ALPK2: variants seen among roughly 807,000 people sequenced by gnomAD.
ALPK2 encodes alpha kinase 2.
ALPK2 carries 127 observed loss-of-function variants against 163.1 expected under a neutral mutation model. That is an observed-to-expected ratio of 0.78 (90% CI 0.67 to 0.90). The LOEUF (loss-of-function observed/expected upper bound fraction) is 0.90. ALPK2 is among the 40% of genes least tolerant of loss of function. The pLI is 0.00. For missense variants in ALPK2, 2,360 were observed against 2,589.6 expected (o/e 0.91, Z 1.92); for synonymous variants, 953 against 959.1 (o/e 0.99, Z 0.12).
At position 58,578,995 on chromosome 18, in the gene ALPK2, C is replaced by G. The variant is rs776574894; in HGVS notation, c.1781G>C (p.Ser594Thr). ...SHTTAAATGR[S>T]SHADARECAI... ...ACATTCTCTTGCATCAGCATGGGAA[C>G]TCCGACCAGTCGCTGCTGCTGTGGT... The change falls in exon 4 of 13, where the codon AGT (serine) becomes ACT (threonine). Residue 594 changes from serine to threonine, a missense_variant. Coordinates refer to ENST00000361673, the MANE Select transcript of ALPK2 (RefSeq NM_052947.4). The G allele has an allele frequency of 4.3e-6, 7 of 1,614,242 alleles. No individual in the cohort carries two copies. Among genetic ancestry groups the G allele is most frequent in the Non-Finnish European group, 5.9e-6 (7 of 1,180,038 alleles).
At chr18:58,597,780 A>T (rs867612130) in intron 3 of ALPK2, among the ~76,000 whole-genome samples, 2 of 152,168 alleles carry the variant, frequency 1.3e-5, no homozygotes, top group South Asian at 4.1e-4. Flanking sequence ...CTAACCCACA[A>T]TGTGATGGTA....
In ALPK2 at chr18:58,508,964, A is replaced by G. The variant is rs367643195; in HGVS notation, c.6030-4816T>C. Among the ~76,000 whole-genome samples the G allele has an allele frequency of 5.3e-5, 8 of 151,288 alleles. No homozygotes were observed. The East Asian group carries it at 9.7e-4, about 18-fold the overall frequency. On this transcript the variant is annotated intron_variant, in intron 10 of 12. Coordinates refer to ENST00000361673, the MANE Select transcript of ALPK2 (RefSeq NM_052947.4). Reference sequence around the variant, plus strand: ...TTTGTTACATATGTATACATGTGCCATGTTGGTGTGCTGCACCCATTAACT... The same window carrying G: ...TTTGTTACATATGTATACATGTGCCGTGTTGGTGTGCTGCACCCATTAACT...
chr18:58,597,841 G>T (rs570123293), intron 3 of ALPK2, among the ~76,000 whole-genome samples: 1 of 152,182 alleles, frequency 6.6e-6, no homozygotes, highest in Non-Finnish European at 1.5e-5. Context: ...AGGTCACAAG[G>T]GTGGGGCCCT....
chr18:58,627,658 A>C (rs2052239200), intron 1 of ALPK2, among the ~76,000 whole-genome samples: 1 of 152,144 alleles, frequency 6.6e-6, no homozygotes, highest in East Asian at 1.9e-4. Flanking sequence ...AACAAAACAA[A>C]AAAAGGACAA....
Position 58,535,554 on chromosome 18 carries a change from G to A in ALPK2, c.4633C>T (p.Leu1545Phe), listed in dbSNP as rs1192118307. The change falls in exon 5 of 13, where the codon CTT becomes TTT. Residue 1545 changes from leucine to phenylalanine, a missense_variant. Transcript: ENST00000361673. The part of the protein sequence containing the change: ...ISPTSPLSSC[L>F]PIMTHASLGV... ...AGAGAAGCGTGAGTCATTATTGGAA[G>A]ACAACTAGAAAGAGGTGAAGTGGGG... 2 of 1,614,202 alleles carry A rather than the reference G, an allele frequency of 1.2e-6. No individual in the cohort carries two copies. The highest frequency in any genetic ancestry group is 3.3e-5 in the Admixed American group (2 of 60,032).
At chr18:58,622,740 A>G (rs939736294) in intron 1 of ALPK2, among the ~76,000 whole-genome samples, 1 of 152,194 alleles carries the variant, frequency 6.6e-6, no homozygotes, top group African/African-American at 2.4e-5. Flanking sequence ...AACATTTCAC[A>G]GTAAAGAAAG....
At chr18:58,545,951 C>T (rs748822179) in intron 4 of ALPK2, among the ~76,000 whole-genome samples, 2 of 152,226 alleles carry the variant, frequency 1.3e-5, no homozygotes, top group African/African-American at 2.4e-5. Flanking sequence ...ATTTGTCATT[C>T]GATAGATCAA....
At chr18:58,578,020 C>T (rs2051931061) in intron 4 of ALPK2, 1 of 152,082 alleles carries the variant, frequency 6.6e-6, no homozygotes, top group Non-Finnish European at 1.5e-5. Flanking sequence ...CATTTGGGAC[C>T]CTTTGAAACT....
At chr18:58,532,499 T>G (rs1200106790) in intron 5 of ALPK2, among the ~76,000 whole-genome samples, 1 of 152,152 alleles carries the variant, frequency 6.6e-6, no homozygotes, top group Non-Finnish European at 1.5e-5. Flanking sequence ...ACCAGATGAC[T>G]CCTACCTTCT....
In ALPK2 at chr18:58,536,369, C is replaced by G. The variant is rs774318717; in HGVS notation, c.3818G>C (p.Trp1273Ser). 17 of 1,614,082 alleles carry G rather than the reference C, an allele frequency of 1.1e-5. No homozygotes were observed. The highest frequency in any genetic ancestry group is 1.6e-4 in the Middle Eastern group (1 of 6,084). Residue 1273 changes from tryptophan (W) to serine (S), a missense_variant, in exon 5 of 13, where the codon TGG (tryptophan) becomes TCG (serine). By Grantham distance (177) the Trp-to-Ser change is radical (BLOSUM62 -3). Coordinates refer to ENST00000361673, the MANE Select transcript of ALPK2 (RefSeq NM_052947.4). ...DGGLIIPDKV[W>S]AVPDSLKADA... ...TGCCTTTAGACTATCAGGTACAGCC[C>G]AGACCTTGTCAGGAATTATGAGACC...
rs1378483996 is a variant in ALPK2, at chr18:58,579,651, C to T, written c.1125G>A (p.Glu375=). The part of the protein sequence containing the change: ...EFGEHCLGGC[E]HFLSGMGCGS... ...CACAACCCATTCCACTGAGGAAATG[C>T]TCACACCCACCCAGGCAATGCTCAC... The change falls in exon 4 of 13, where the codon GAG becomes GAA. Residue 375 remains glutamate (E), a synonymous_variant. Coordinates refer to ENST00000361673, the MANE Select transcript of ALPK2 (RefSeq NM_052947.4). 2 of 1,613,960 alleles carry T rather than the reference C, an allele frequency of 1.2e-6. No individual in the cohort carries two copies. Among genetic ancestry groups the T allele is most frequent in the African/African-American group, 1.3e-5 (1 of 74,894 alleles).
intron 1 of ALPK2, among the ~76,000 whole-genome samples, chr18:58,622,172 C>T (rs1408862024): frequency 6.6e-6 from 1 of 151,988 alleles, no homozygotes; most frequent in Non-Finnish European, 1.5e-5. Context: ...CATGGTGAAA[C>T]CCCATCTCTA....
chr18:58,618,623 C>T lies in ALPK2; in HGVS notation c.-20-6806G>A, dbSNP rs531871508. Among the ~76,000 whole-genome samples, 55 of 152,278 alleles carry T rather than the reference C, an allele frequency of 3.6e-4. 1 individual carries two copies. The South Asian group carries it at 0.01, about 29-fold the overall frequency. ...AAGTAAGCACTATGTAAGTGTTAGC[C>T]GCTGCCAGTGGCTTTGGGTTTAACA... On this transcript the variant is annotated intron_variant, in intron 1 of 12. Transcript: ENST00000361673.
intron 12 of ALPK2, among the ~76,000 whole-genome samples, chr18:58,483,438 G>A (rs1489311014): frequency 2.0e-5 from 3 of 152,162 alleles, no homozygotes; most frequent in Non-Finnish European, 4.4e-5. Flanking sequence ...TTAGAAGTGT[G>A]TCCAAGCTCC....
intron 10 of ALPK2, among the ~76,000 whole-genome samples, chr18:58,508,006 TA>T (rs1196106806): frequency 1.3e-5 from 2 of 152,192 alleles, no homozygotes; most frequent in Non-Finnish European, 2.9e-5. Flanking sequence ...GTGTAAATCC[TA>T]AGACTAGTGT....
intron 1 of ALPK2, among the ~76,000 whole-genome samples, chr18:58,619,598 T>C (rs114649107): frequency 0.011 from 1,731 of 152,368 alleles, 32 homozygotes; most frequent in African/African-American, 0.04. Flanking sequence ...AAATTGTGTT[T>C]AGGAATAACT....
Position 58,529,168 on chromosome 18 carries a change from G to A in ALPK2, c.5424C>T (p.Cys1808=), listed in dbSNP as rs192364345. 139 of 1,613,974 alleles carry A rather than the reference G, an allele frequency of 8.6e-5. No homozygotes were observed. The East Asian group carries it at 2.9e-3, about 33-fold the overall frequency. Residue 1808 remains cysteine (C), a synonymous_variant, in exon 6 of 13, where the codon TGC becomes TGT. Coordinates refer to ENST00000361673, the MANE Select transcript of ALPK2 (RefSeq NM_052947.4). ...AATCTTCATGAATTTCTGCAAATTG[G>A]CAGCTTAATTTTACATTTCCAGAGT... ...PEHSGNVKLS[C]QFAEIHEDST... is the part of the protein sequence containing the mutation.
chr18:58,554,028 A>C (rs1260367713), intron 4 of ALPK2, among the ~76,000 whole-genome samples: 1 of 151,686 alleles, frequency 6.6e-6, no homozygotes, highest in Non-Finnish European at 1.5e-5. Context: ...AGCCTGGCTA[A>C]TTTTGTATTT....
At chr18:58,490,568 G>C (rs1335415525) in intron 12 of ALPK2, among the ~76,000 whole-genome samples, 2 of 151,540 alleles carry the variant, frequency 1.3e-5, no homozygotes, top group South Asian at 2.1e-4. Flanking sequence ...CACAGTCCCA[G>C]CTACCCCCAA....
Sources: gnomAD v4.1 joint callset for allele counts (sites outside exome capture counted in the v4.1 genomes callset) on GRCh38, gnomAD v4.1.1 for gene constraint, MANE v1.5 for transcripts, NCBI Gene and HGNC (gene_info 2026-07-23, HGNC 2026-07-21) for gene names.